ABCC1: variants seen among roughly 807,000 people sequenced by gnomAD.
ABCC1 encodes the protein ATP binding cassette subfamily C member 1 (ABCC1 blood group).
A neutral mutation model predicts 172.9 loss-of-function variants in ABCC1; 83 were observed. That is an observed-to-expected ratio of 0.48 (90% CI 0.40 to 0.58). ABCC1 has a LOEUF of 0.58. Among genes scored for constraint, ABCC1 ranks in the 20% least tolerant of loss-of-function variants. The pLI, the probability that ABCC1 is intolerant of heterozygous loss-of-function variation, is 0.00. For missense variants in ABCC1, 1,817 were observed against 2,002.7 expected, an observed-to-expected ratio of 0.91 and a Z score of 1.77; for synonymous variants, 937 against 825.2, an observed-to-expected ratio of 1.14 and a Z score of -2.32.
At chr16:16,094,807 G>A in intron 19 of ABCC1, among the ~76,000 whole-genome samples, 1 of 145,698 alleles carries the variant, frequency 6.9e-6, no homozygotes, top group South Asian at 2.2e-4. Flanking sequence ...GAGCCACTGC[G>A]CCTGGCCTTT....
chr16:15,992,647 C>T (rs1394121630), intron 1 of ABCC1, among the ~76,000 whole-genome samples: 2 of 152,178 alleles, frequency 1.3e-5, no homozygotes, highest in East Asian at 1.9e-4. Context: ...GTGATCCTCC[C>T]GCCTCGGCCT....
intron 1 of ABCC1, among the ~76,000 whole-genome samples, chr16:15,996,631 G>A (rs550118115): frequency 1.3e-5 from 2 of 152,278 alleles, no homozygotes; most frequent in South Asian, 2.1e-4. Context: ...GGCTGCATGC[G>A]TTATCCCTGC....
At chr16:15,964,092 C>T (rs941974270) in intron 1 of ABCC1, among the ~76,000 whole-genome samples, 3 of 152,104 alleles carry the variant, frequency 2.0e-5, no homozygotes, top group Admixed American at 6.6e-5. Context: ...TACAGGCACC[C>T]GCCATCATGC....
intron 1 of ABCC1, among the ~76,000 whole-genome samples, chr16:16,003,150 G>C (rs2047379719): frequency 6.6e-6 from 1 of 152,140 alleles, no homozygotes. Flanking sequence ...ATGAACTGTT[G>C]GGTGGGTAGA....
At chr16:16,021,361 C>T (rs755846101) in intron 5 of ABCC1, among the ~76,000 whole-genome samples, 1 of 151,482 alleles carries the variant, frequency 6.6e-6, no homozygotes, top group African/African-American at 2.4e-5. Context: ...ATATATGTAA[C>T]CTAAGATTTG....
At position 15,998,384 on chromosome 16, in the gene ABCC1, C is replaced by A. The variant is rs968713208; in HGVS notation, c.49-9432C>A. On this transcript the variant is annotated intron_variant, in intron 1 of 30. Transcript: ENST00000399410. Reference sequence around the variant, plus strand: ...TCAAGCAATCCTCCCGCCTCAGCCTCCCAAAGTGCTGGGTTTACAGGCGTG... The same window carrying A: ...TCAAGCAATCCTCCCGCCTCAGCCTACCAAAGTGCTGGGTTTACAGGCGTG... Among the ~76,000 whole-genome samples, 16 of 152,314 alleles carry A rather than the reference C, an allele frequency of 1.1e-4. No individual in the cohort carries two copies. In the South Asian group the frequency reaches 1.5e-3, roughly 14 times the overall value.
At chr16:16,128,003 C>T (rs2045511907) in intron 26 of ABCC1, among the ~76,000 whole-genome samples, 1 of 150,956 alleles carries the variant, frequency 6.6e-6, no homozygotes, top group East Asian at 1.9e-4. Flanking sequence ...TCACTGCAAC[C>T]TCCACCTCCT....
intron 30 of ABCC1, 53 bp downstream of exon 30, chr16:16,138,611 T>G: frequency 7.1e-7 from 1 of 1,404,096 alleles, no homozygotes; most frequent in Non-Finnish European, 9.5e-7. Flanking sequence ...CCTTACTCAC[T>G]GGCTCACTCA....
At position 16,102,847 on chromosome 16, in the gene ABCC1, T is replaced by C; in HGVS notation, c.2735+130T>C. On this transcript the variant is annotated intron_variant, in intron 20 of 30. Transcript: ENST00000399410. ...CTGGGCTTTTACCTTCCCTCCCAAA[T>C]CCTCCAAGGACCTTGCTTTTCAGAG... The C allele has an allele frequency of 9.8e-6, 8 of 818,988 alleles. No homozygotes were observed. In the Middle Eastern group the frequency reaches 2.2e-3, roughly 227 times the overall value. 50.7% of individuals were successfully genotyped at this position (818,988 alleles called of 1,614,324 possible). A position where few individuals can be genotyped will look rare whatever the true frequency, so the allele number is the denominator to read the frequency against.
chr16:16,084,200 T>A (rs184774412), intron 17 of ABCC1, among the ~76,000 whole-genome samples: 68 of 152,286 alleles, frequency 4.5e-4, no homozygotes, highest in African/African-American at 1.6e-3. Context: ...CCTCCCGCGT[T>A]CAGGTGATTC....
intron 5 of ABCC1, among the ~76,000 whole-genome samples, chr16:16,024,230 A>C (rs1322348531): frequency 6.6e-6 from 1 of 152,116 alleles, no homozygotes; most frequent in Non-Finnish European, 1.5e-5. Context: ...AAAGAAAGAA[A>C]GAAAAAAAGA....
intron 20 of ABCC1, chr16:16,106,509 G>A: frequency 2.1e-6 from 1 of 466,428 alleles, no homozygotes; most frequent in East Asian, 3.4e-5. Context: ...GTTTCCCATG[G>A]GTCTCATTCC....
intron 22 of ABCC1, among the ~76,000 whole-genome samples, chr16:16,112,745 T>C (rs1392581478): frequency 6.6e-6 from 1 of 152,212 alleles, no homozygotes; most frequent in African/African-American, 2.4e-5. Context: ...GTATGGTCCA[T>C]ATGATATATA....
At chr16:16,093,522 C>T (rs939390803) in intron 19 of ABCC1, among the ~76,000 whole-genome samples, 2 of 152,102 alleles carry the variant, frequency 1.3e-5, no homozygotes, top group African/African-American at 2.4e-5. Flanking sequence ...GCACCTCGTG[C>T]GTTCATTTTC....
chr16:16,127,025 G>T (rs755560867), intron 26 of ABCC1, among the ~76,000 whole-genome samples: 1 of 152,062 alleles, frequency 6.6e-6, no homozygotes, highest in African/African-American at 2.4e-5. Context: ...TTGATGTTGC[G>T]TTGCCCTTAA....
intron 1 of ABCC1, among the ~76,000 whole-genome samples, chr16:15,978,769 C>G (rs2046551007): frequency 6.6e-6 from 1 of 152,066 alleles, no homozygotes; most frequent in South Asian, 2.1e-4. Context: ...GGGGAGTGAT[C>G]TGCCTCTCAG....
intron 3 of ABCC1, among the ~76,000 whole-genome samples, chr16:16,012,453 C>T (rs892639997): frequency 6.7e-6 from 1 of 150,358 alleles, no homozygotes; most frequent in African/African-American, 2.4e-5. Context: ...GGGTCTTGGG[C>T]TCTGTGTTCT....
chr16:16,063,059 C>T (rs533209342), intron 12 of ABCC1, among the ~76,000 whole-genome samples: 155 of 152,152 alleles, frequency 1.0e-3, no homozygotes, highest in African/African-American at 3.6e-3. Context: ...ATCCTAGGGC[C>T]CATGGAGACA....
At chr16:16,028,055 G>A (rs1469257820) in intron 5 of ABCC1, among the ~76,000 whole-genome samples, 1 of 152,080 alleles carries the variant, frequency 6.6e-6, no homozygotes, top group East Asian at 1.9e-4. Flanking sequence ...AGCTAGCCCC[G>A]TGCTATGCAC....
Sources: gnomAD v4.1 joint callset for allele counts (sites outside exome capture counted in the v4.1 genomes callset) on GRCh38, gnomAD v4.1.1 for gene constraint, MANE v1.5 for transcripts, NCBI Gene and HGNC (gene_info 2026-07-23, HGNC 2026-07-21) for gene names.